Variants in CIZ1 observed in about 807,000 individuals in gnomAD.
The protein encoded by CIZ1 is cip1-interacting zinc finger protein.
In CIZ1, 58 loss-of-function variants were observed where a neutral mutation model predicts 118.6. The observed-to-expected ratio is 0.49, with a 90% CI of 0.40 to 0.61. The LOEUF (loss-of-function observed/expected upper bound fraction) is 0.61, where lower values mean the gene tolerates loss of function less well. Among genes scored for constraint, CIZ1 ranks in the 20% least tolerant of loss-of-function variants. The probability of loss-of-function intolerance (pLI) is 0.00; values close to 1 mark genes in which losing one functional copy is unlikely to be tolerated. For synonymous variants in CIZ1, 448 were observed against 443.4 expected (o/e 1.01, Z -0.13); for missense variants, 921 against 1,115.9 (o/e 0.83, Z 2.49).
upstream of CIZ1, among the ~76,000 whole-genome samples, chr9:128,195,052 G>A (rs1464452380): frequency 6.6e-6 from 1 of 152,010 alleles, no homozygotes; most frequent in Non-Finnish European, 1.5e-5. Flanking sequence ...GAACTCATAG[G>A]TTCAAGTGAT....
At chr9:128,178,151 G>C (rs1481670912) in intron 9 of CIZ1, among the ~76,000 whole-genome samples, 1 of 152,200 alleles carries the variant, frequency 6.6e-6, no homozygotes, top group African/African-American at 2.4e-5. Flanking sequence ...CAGGCTGGAA[G>C]GGACGGATGT....
chr9:128,173,815 G>A (rs1180808641), intron 11 of CIZ1, among the ~76,000 whole-genome samples: 11 of 151,908 alleles, frequency 7.2e-5, no homozygotes, highest in Admixed American at 6.6e-4. Flanking sequence ...GACCATCCTG[G>A]CTAACACAGA....
chr9:128,194,815 TCAAAA>T (rs1213580311), upstream of CIZ1, among the ~76,000 whole-genome samples: 1 of 151,496 alleles, frequency 6.6e-6, no homozygotes, highest in South Asian at 2.1e-4. Context: ...CAAAACTGTC[TCAAAA>T]CAAAACAAAA....
At chr9:128,196,193 A>G (rs1319281943), upstream of CIZ1, among the ~76,000 whole-genome samples, 3 of 152,086 alleles carry the variant, frequency 2.0e-5, no homozygotes, top group African/African-American at 7.2e-5. Flanking sequence ...TTGGTGTTGC[A>G]CTAAATATGT....
Position 128,179,379 on chromosome 9 carries a change from C to G in CIZ1, c.828G>C (p.Gln276His). 1 of 1,612,004 alleles carries G rather than the reference C, an allele frequency of 6.2e-7. No homozygotes were observed. The highest frequency in any genetic ancestry group is 8.5e-7 in the Non-Finnish European group (1 of 1,179,100). ...EEPTEKEPPGQLQVKAQPQAR... is the reference protein window; with the variant it reads ...EEPTEKEPPGHLQVKAQPQAR... ...CCTGCGGCTGGGCCTTCACCTGTAA[C>G]TGCCCTGGAGGTTCCTTCTCTGTGG... The change falls in exon 8 of 17, where the codon CAG (glutamine) becomes CAC (histidine). Residue 276 changes from glutamine (Q) to histidine (H), a missense_variant. Coordinates refer to ENST00000372938, the MANE Select transcript of CIZ1 (RefSeq NM_001131016.2).
intron 5 of CIZ1, among the ~76,000 whole-genome samples, chr9:128,183,433 G>A (rs1370779163): frequency 1.3e-5 from 2 of 152,168 alleles, no homozygotes; most frequent in East Asian, 3.9e-4. Context: ...GGCTGGAGGC[G>A]GGGCCCCTCG....
intron 5 of CIZ1, among the ~76,000 whole-genome samples, chr9:128,182,613 G>GC (rs1306346582): frequency 6.6e-6 from 1 of 151,990 alleles, no homozygotes; most frequent in East Asian, 1.9e-4. Context: ...CCCCGGCCAT[G>GC]CCCCCGCAAC....
Position 128,203,676 on chromosome 9 carries a change from T to C in CIZ1, c.-6+510A>G. The C allele has an allele frequency of 6.9e-7, 1 of 1,445,244 alleles. No homozygotes were observed. Among genetic ancestry groups the C allele is most frequent in the Non-Finnish European group, 9.1e-7 (1 of 1,104,542 alleles). The allele number at this position is 1,445,244 out of a possible 1,614,324, so 89.5% of individuals were successfully genotyped here. A position where few individuals can be genotyped will look rare whatever the true frequency, so the allele number is the denominator to read the frequency against. On this transcript the variant is annotated intron_variant, in intron 1 of 17. Coordinates refer to the CIZ1 transcript ENST00000372948. The surrounding 1 kb of genome is among the most constrained non-coding windows in gnomAD (Gnocchi z 5.3). Reference sequence around the variant, plus strand: ...AGGCGCCGACCCCCGACCCCCGGGATCCCTGGAGTCCCCGCCCGGGGCACT... The same window carrying C: ...AGGCGCCGACCCCCGACCCCCGGGACCCCTGGAGTCCCCGCCCGGGGCACT...
chr9:128,166,466 C>T lies in CIZ1; in HGVS notation c.2488-60G>A, dbSNP rs1039106049. The T allele has an allele frequency of 1.4e-5, 18 of 1,315,594 alleles. No individual in the cohort carries two copies. Among genetic ancestry groups the T allele is most frequent in the Middle Eastern group, 1.9e-4 (1 of 5,196 alleles). The allele number at this position is 1,315,594 out of a possible 1,614,324, so 81.5% of individuals were successfully genotyped here. On this transcript the variant is annotated intron_variant, in intron 16 of 16. Transcript: ENST00000372938. This position sits in a 1 kb window ranked among gnomAD's most constrained non-coding sequence, Gnocchi z 4.4. ...CCTCCCTACATGGTATGCTCCTGGCCAGCAGCTACTTCCCCAGCTCTGGCT... is the reference window on the plus strand; with the variant it reads ...CCTCCCTACATGGTATGCTCCTGGCTAGCAGCTACTTCCCCAGCTCTGGCT...
At chr9:128,190,266 G>A (rs1466727503) in intron 3 of CIZ1, 63 bp downstream of exon 3, 10 of 1,152,298 alleles carry the variant, frequency 8.7e-6, no homozygotes, top group Non-Finnish European at 1.3e-5. Flanking sequence ...GAGATTTAGA[G>A]CAATGCGCTG....
chr9:128,191,891 C>T, upstream of CIZ1: 2 of 1,449,150 alleles, frequency 1.4e-6, no homozygotes, highest in Non-Finnish European at 1.8e-6. The surrounding 1 kb of genome is among the most constrained non-coding windows in gnomAD (Gnocchi z 5.5). Context: ...ATCCTGGGGC[C>T]CCGCGCGGGG....
Position 128,166,168 on chromosome 9 carries a change from G to C in CIZ1, c.*29C>G. On this transcript the variant is annotated 3_prime_UTR_variant, in exon 17 of 17. Coordinates refer to ENST00000372938, the MANE Select transcript of CIZ1 (RefSeq NM_001131016.2). This position sits in a 1 kb window ranked among gnomAD's most constrained non-coding sequence, Gnocchi z 4.4. ...AAAAGCATTAGCAGATCTGGACCCA[G>C]GCAGGCCAGGGACAGGGAGGTCCCT... 1 of 1,414,482 alleles carries C rather than the reference G, an allele frequency of 7.1e-7. No homozygotes were observed. Among genetic ancestry groups the C allele is most frequent in the Non-Finnish European group, 9.4e-7 (1 of 1,067,210 alleles). 87.6% of individuals were successfully genotyped at this position (1,414,482 alleles called of 1,614,324 possible).
intron 14 of CIZ1, 75 bp from the exon 15 acceptor site, chr9:128,167,239 G>A: frequency 9.1e-7 from 1 of 1,101,082 alleles, no homozygotes; most frequent in Non-Finnish European, 1.3e-6. Flanking sequence ...GGGGCCTAGA[G>A]ACCACCAATG....
upstream of CIZ1, chr9:128,191,753 A>C: frequency 4.3e-6 from 6 of 1,391,486 alleles, no homozygotes; most frequent in African/African-American, 1.5e-5. The surrounding 1 kb of genome is among the most constrained non-coding windows in gnomAD (Gnocchi z 5.5). Context: ...CGTCCTCCGC[A>C]TCGCGAAGGG....
rs1192243334 is a variant in CIZ1, at chr9:128,191,447, G to T, written c.-21C>A. ...GGCCCCGCACCTCGCCTCCCCGCGCGCCCTCAACGCTCAAGTCGCCCCCAC... is the reference window on the plus strand; with the variant it reads ...GGCCCCGCACCTCGCCTCCCCGCGCTCCCTCAACGCTCAAGTCGCCCCCAC... On this transcript the variant is annotated 5_prime_UTR_variant, in exon 1 of 17. Transcript: ENST00000372938. The surrounding 1 kb of genome is among the most constrained non-coding windows in gnomAD (Gnocchi z 5.5). 4 of 973,366 alleles carry T rather than the reference G, an allele frequency of 4.1e-6. No homozygotes were observed. The highest frequency in any genetic ancestry group is 4.6e-5 in the South Asian group (1 of 21,732). The allele number at this position is 973,366 out of a possible 1,614,324, so 60.3% of individuals were successfully genotyped here. A position where few individuals can be genotyped will look rare whatever the true frequency, so the allele number is the denominator to read the frequency against.
At chr9:128,192,416 C>T (rs1456388242), upstream of CIZ1, among the ~76,000 whole-genome samples, 4 of 151,910 alleles carry the variant, frequency 2.6e-5, no homozygotes, top group Admixed American at 2.6e-4. Flanking sequence ...GAAAACAGAG[C>T]CCTGCTCCCT....
chr9:128,185,626 T>A lies in CIZ1; in HGVS notation c.509A>T (p.Asn170Ile). ...LGPPPVGVPM[N>I]PSQFNLSGRN... Reference sequence around the variant, plus strand: ...TCCTGAAAGGTTGAACTGGGAAGGGTTCATGGGGACCCCAACAGGAGGAGG... The same window carrying A: ...TCCTGAAAGGTTGAACTGGGAAGGGATCATGGGGACCCCAACAGGAGGAGG... Residue 170 changes from asparagine to isoleucine, a missense_variant, in exon 5 of 17, where the codon AAC (asparagine) becomes ATC (isoleucine). Transcript: ENST00000372938. 1 of 1,568,632 alleles carries A rather than the reference T, an allele frequency of 6.4e-7. No homozygotes were observed. Among genetic ancestry groups the A allele is most frequent in the Non-Finnish European group, 8.6e-7 (1 of 1,156,770 alleles).
At chr9:128,176,621 G>C in intron 10 of CIZ1, 146 bp from the exon 11 acceptor site, 1 of 849,886 alleles carries the variant, frequency 1.2e-6, no homozygotes, top group Non-Finnish European at 1.8e-6. Flanking sequence ...GGCTAGAGCA[G>C]GCATGATAAA....
intron 1 of CIZ1, among the ~76,000 whole-genome samples, chr9:128,201,270 A>AAAAC (rs561382327): frequency 1.3e-5 from 2 of 151,148 alleles, no homozygotes; most frequent in Non-Finnish European, 2.9e-5. Flanking sequence ...TCCGTCTCAA[A>AAAAC]AAACAAACAA....
Sources: allele counts gnomAD v4.1 joint callset (sites outside exome capture counted in the v4.1 genomes callset), GRCh38; gene constraint gnomAD v4.1.1; non-coding constraint Gnocchi (gnomAD v3.1); transcripts MANE v1.5; gene names NCBI Gene and HGNC (gene_info 2026-07-23, HGNC 2026-07-21).